ADGRL3: variants seen among roughly 807,000 people sequenced by gnomAD.
ADGRL3 encodes the protein calcium-independent alpha-latrotoxin receptor 3.
Under a neutral mutation model 153.5 loss-of-function variants are expected in ADGRL3, and 62 were observed. The observed-to-expected ratio is 0.40, with a 90% CI of 0.33 to 0.50. The LOEUF (loss-of-function observed/expected upper bound fraction) is 0.50, where lower values mean the gene tolerates loss of function less well. ADGRL3 is among the 20% of genes least tolerant of loss of function. The pLI is 0.47. For missense variants in ADGRL3, 1,641 were observed against 1,859.4 expected (o/e 0.88, Z 2.16); for synonymous variants, 710 against 672.5 (o/e 1.06, Z -0.86).
At chr4:61,371,965 C>T (rs1013547987) in intron 1 of ADGRL3, among the ~76,000 whole-genome samples, 4 of 152,136 alleles carry the variant, frequency 2.6e-5, no homozygotes, top group Non-Finnish European at 5.9e-5. Flanking sequence ...TCCGTTCTTG[C>T]TTCATTTCAT....
At chr4:61,538,180 G>T (rs2098668760) in intron 4 of ADGRL3, among the ~76,000 whole-genome samples, 2 of 152,120 alleles carry the variant, frequency 1.3e-5, no homozygotes, top group South Asian at 2.1e-4. Flanking sequence ...TCCCCTTGAG[G>T]TCTATAGTGT....
chr4:61,546,309 G>A (rs2098713710), intron 4 of ADGRL3, among the ~76,000 whole-genome samples: 1 of 152,180 alleles, frequency 6.6e-6, no homozygotes, highest in Non-Finnish European at 1.5e-5. Context: ...CTATATGTCT[G>A]TATTACACCA....
At chr4:62,040,224 G>A (rs941575085) in intron 24 of ADGRL3, among the ~76,000 whole-genome samples, 3 of 151,878 alleles carry the variant, frequency 2.0e-5, no homozygotes, top group Admixed American at 2.0e-4. Flanking sequence ...ATAAACGGTG[G>A]TTGCTACCAT....
At chr4:61,355,131 T>C (rs2096138381) in intron 1 of ADGRL3, among the ~76,000 whole-genome samples, 1 of 152,100 alleles carries the variant, frequency 6.6e-6, no homozygotes. Context: ...ACAAGACATT[T>C]AACTAAGGTT....
At chr4:61,417,468 A>T in intron 2 of ADGRL3, among the ~76,000 whole-genome samples, 1 of 152,010 alleles carries the variant, frequency 6.6e-6, no homozygotes, top group Non-Finnish European at 1.5e-5. Context: ...AGCCTGGGTG[A>T]CAGAGCCAGA....
intron 1 of ADGRL3, among the ~76,000 whole-genome samples, chr4:61,279,780 G>A (rs1230902954): frequency 2.6e-5 from 4 of 151,888 alleles, no homozygotes; most frequent in African/African-American, 9.7e-5. Flanking sequence ...CCCATGAAAA[G>A]AGCACTTGGA....
intron 8 of ADGRL3, among the ~76,000 whole-genome samples, chr4:61,766,515 T>C (rs1327387879): frequency 6.6e-6 from 1 of 152,070 alleles, no homozygotes; most frequent in African/African-American, 2.4e-5. Flanking sequence ...AAGGAGTTGT[T>C]GTTTTGTAGA....
At chr4:61,550,617 A>G (rs2098735900) in intron 4 of ADGRL3, among the ~76,000 whole-genome samples, 1 of 151,386 alleles carries the variant, frequency 6.6e-6, no homozygotes, top group Non-Finnish European at 1.5e-5. Flanking sequence ...TTGAAGTAGT[A>G]GTCAAGCGAG....
In ADGRL3 at chr4:61,617,612, C is replaced by G. The variant is rs538205264; in HGVS notation, c.473+30172C>G. Among the ~76,000 whole-genome samples, 6 of 152,298 alleles carry G rather than the reference C, an allele frequency of 3.9e-5. No homozygotes were observed. In the South Asian group the frequency reaches 1.2e-3, roughly 32 times the overall value. ...TTAGAAAGAACCTTCCTTGTTAAAG[C>G]TGCTCCACATGTATAAAATGGGATA... On this transcript the variant is annotated intron_variant, in intron 5 of 26. Transcript: ENST00000683033.
At chr4:61,983,687 C>T (rs1233532418) in intron 19 of ADGRL3, 84 bp downstream of exon 19, 14 of 1,199,190 alleles carry the variant, frequency 1.2e-5, no homozygotes, top group Non-Finnish European at 1.7e-5. Flanking sequence ...TTTATATTAC[C>T]TCACAGTGAA....
intron 9 of ADGRL3, among the ~76,000 whole-genome samples, chr4:61,876,938 T>C (rs1244652038): frequency 6.8e-6 from 1 of 147,260 alleles, no homozygotes; most frequent in Non-Finnish European, 1.5e-5. Context: ...GAAAGAAATA[T>C]CCACATCATT....
At chr4:61,678,439 C>A (rs904558207) in intron 6 of ADGRL3, among the ~76,000 whole-genome samples, 1 of 151,904 alleles carries the variant, frequency 6.6e-6, no homozygotes. Context: ...CTTCAATTTC[C>A]TGTATTACTT....
chr4:61,820,640 G>A (rs1369490402), intron 9 of ADGRL3, among the ~76,000 whole-genome samples: 1 of 152,088 alleles, frequency 6.6e-6, no homozygotes, highest in Non-Finnish European at 1.5e-5. Flanking sequence ...TTAATTTAAT[G>A]GGATTGATTA....
chr4:61,701,208 G>C (rs2095752352), intron 6 of ADGRL3, among the ~76,000 whole-genome samples: 1 of 152,114 alleles, frequency 6.6e-6, no homozygotes, highest in Non-Finnish European at 1.5e-5. Flanking sequence ...TCAAAGTTCA[G>C]CTAATGCAGA....
intron 13 of ADGRL3, among the ~76,000 whole-genome samples, chr4:61,926,876 C>T (rs2098796496): frequency 6.6e-6 from 1 of 152,170 alleles, no homozygotes; most frequent in Admixed American, 6.5e-5. Context: ...ATACTCTCTG[C>T]TCTACCATAA....
At chr4:61,221,677 T>C (rs971455856) in intron 1 of ADGRL3, among the ~76,000 whole-genome samples, 1 of 152,162 alleles carries the variant, frequency 6.6e-6, no homozygotes, top group African/African-American at 2.4e-5. Flanking sequence ...GTTGCTTTAC[T>C]ATTTAATTTA....
At chr4:61,753,020 C>G (rs1200058434) in intron 8 of ADGRL3, among the ~76,000 whole-genome samples, 2 of 151,918 alleles carry the variant, frequency 1.3e-5, no homozygotes, top group African/African-American at 4.8e-5. Context: ...TGAAACTTCC[C>G]CCAGGAAGTT....
chr4:61,472,425 G>T (rs2097970576), intron 2 of ADGRL3, among the ~76,000 whole-genome samples: 1 of 152,052 alleles, frequency 6.6e-6, no homozygotes, highest in Non-Finnish European at 1.5e-5. Context: ...AATTTGTGGA[G>T]AATCCACTTC....
At chr4:61,677,139 G>T in intron 6 of ADGRL3, 1 of 492,014 alleles carries the variant, frequency 2.0e-6, no homozygotes, top group South Asian at 2.7e-5. Context: ...ATTTACTTGT[G>T]ATTATTTCTG....
Sources: gnomAD v4.1 joint callset for allele counts (sites outside exome capture counted in the v4.1 genomes callset) on GRCh38, gnomAD v4.1.1 for gene constraint, MANE v1.5 for transcripts, NCBI Gene and HGNC (gene_info 2026-07-23, HGNC 2026-07-21) for gene names.